SDK1: variants seen among roughly 807,000 people sequenced by gnomAD.
SDK1 encodes sidekick cell adhesion molecule 1.
A neutral mutation model predicts 245.5 loss-of-function variants in SDK1; 157 were observed. The ratio of observed to expected loss-of-function variants is 0.64; its 90% CI spans 0.56 to 0.73. The LOEUF is 0.73. SDK1 is among the 30% of genes least tolerant of loss of function. SDK1 has a pLI of 0.00. For missense variants in SDK1, 3,583 were observed against 3,002.3 expected (o/e 1.19, Z -4.52); for synonymous variants, 1,647 against 1,278.5 (o/e 1.29, Z -6.15).
intron 32 of SDK1, among the ~76,000 whole-genome samples, chr7:4,162,502 C>T (rs1208276525): frequency 1.3e-5 from 2 of 151,724 alleles, no homozygotes; most frequent in Non-Finnish European, 1.5e-5. Flanking sequence ...CGTGTTCAAG[C>T]GATTCTCCTG....
At chr7:3,998,658 G>A (rs1427596974) in intron 14 of SDK1, among the ~76,000 whole-genome samples, 3 of 152,154 alleles carry the variant, frequency 2.0e-5, no homozygotes, top group African/African-American at 7.2e-5. Flanking sequence ...CCTCAAACCT[G>A]AAATAATGTA....
At chr7:3,512,729 A>T (rs1436940182) in intron 1 of SDK1, among the ~76,000 whole-genome samples, 1 of 152,308 alleles carries the variant, frequency 6.6e-6, no homozygotes, top group East Asian at 1.9e-4. Context: ...ACTACTTTTA[A>T]AGGTATTATT....
At chr7:4,174,174 C>G in intron 32 of SDK1, 48 bp from the exon 33 acceptor site, 9 of 1,606,532 alleles carry the variant, frequency 5.6e-6, no homozygotes, top group Non-Finnish European at 7.7e-6. Flanking sequence ...TGCAGGCCAG[C>G]TGGGTTGACT....
chr7:4,120,276 A>C (rs1783972880), intron 25 of SDK1, among the ~76,000 whole-genome samples: 1 of 149,214 alleles, frequency 6.7e-6, no homozygotes, highest in Non-Finnish European at 1.5e-5. Context: ...CTGAAGAAAC[A>C]CCAATCCCGA....
At chr7:4,216,587 G>A (rs1425512701) in intron 38 of SDK1, among the ~76,000 whole-genome samples, 3 of 152,218 alleles carry the variant, frequency 2.0e-5, no homozygotes, top group Admixed American at 6.5e-5. Flanking sequence ...AGTTGCAAAC[G>A]CAGTGAAACA....
rs201661973 is a variant in SDK1 at position 4,208,168 on chromosome 7, G to T, written c.5284G>T (p.Val1762Leu). ...KMKVLFLPEP[V>L]VRLKNLTSHT... ...GAAGGTCCTCTTCCTCCCCGAGCCC[G>T]TGGTGAGGCTGAAGAACCTGACCAG... Residue 1762 changes from valine to leucine, a missense_variant, in exon 37 of 45, where the codon GTG becomes TTG. Transcript: ENST00000404826. 2 of 1,613,978 alleles carry T rather than the reference G, an allele frequency of 1.2e-6. No individual in the cohort carries two copies. The highest frequency in any genetic ancestry group is 8.5e-7 in the Non-Finnish European group (1 of 1,179,908).
At chr7:3,688,913 C>G (rs1240083709) in intron 4 of SDK1, among the ~76,000 whole-genome samples, 1 of 152,294 alleles carries the variant, frequency 6.6e-6, no homozygotes, top group South Asian at 2.1e-4. Flanking sequence ...TCCCTCCCAC[C>G]TCCCCGACCC....
intron 30 of SDK1, among the ~76,000 whole-genome samples, chr7:4,152,214 G>T (rs1201220905): frequency 6.6e-6 from 1 of 152,150 alleles, no homozygotes; most frequent in African/African-American, 2.4e-5. Flanking sequence ...TGTCCGCCAG[G>T]TTCCTGCCAG....
chr7:4,268,869 G>A lies in SDK1; in HGVS notation c.*3485G>A, dbSNP rs143331393. 8.8e-6 allele frequency: 5 copies of A among 571,100 alleles called. No individual in the cohort carries two copies. Among genetic ancestry groups the A allele is most frequent in the South Asian group, 1.7e-5 (1 of 59,550 alleles). The allele number at this position is 571,100 out of a possible 1,614,324, so 35.4% of individuals were successfully genotyped here. On this transcript the variant is annotated 3_prime_UTR_variant, in exon 45 of 45. Coordinates refer to ENST00000404826, the MANE Select transcript of SDK1 (RefSeq NM_152744.4). ...TTAGGGAGCCGTCAGGTCCCTAAAC[G>A]TTCCCTACAACTTTTTCTGAAATTG...
intron 5 of SDK1, among the ~76,000 whole-genome samples, chr7:3,838,962 G>T (rs1377079582): frequency 6.6e-6 from 1 of 152,164 alleles, no homozygotes; most frequent in Non-Finnish European, 1.5e-5. Flanking sequence ...ATTCGTTTGG[G>T]CAGAGGCACG....
chr7:3,801,682 C>T (rs548064698), intron 4 of SDK1, among the ~76,000 whole-genome samples: 1 of 152,308 alleles, frequency 6.6e-6, no homozygotes, highest in South Asian at 2.1e-4. Flanking sequence ...GCTGTGGCTG[C>T]TCCCAGCTTG....
intron 1 of SDK1, among the ~76,000 whole-genome samples, chr7:3,358,440 T>C (rs551001521): frequency 1.3e-5 from 2 of 152,308 alleles, no homozygotes; most frequent in Admixed American, 6.5e-5. Context: ...TTTTTTTTTT[T>C]TTTCTTGTTT....
chr7:3,597,535 TAGAG>T (rs1250318114), intron 1 of SDK1, among the ~76,000 whole-genome samples: 2 of 152,164 alleles, frequency 1.3e-5, no homozygotes, highest in Admixed American at 6.5e-5. Context: ...TCGAAAGTGT[TAGAG>T]AGAACTTCCT....
rs1338736001 is a variant in SDK1, at chr7:3,672,772, T to C, written c.713+30667T>C. ...TAATATATAATTTTATATATATATA[T>C]ATATATATATATATATATATATAAA... On this transcript the variant is annotated intron_variant, in intron 4 of 44. Coordinates refer to ENST00000404826, the MANE Select transcript of SDK1 (RefSeq NM_152744.4). 4.4e-5 allele frequency among the ~76,000 whole-genome samples: 4 copies of C among 91,834 alleles called. 1 individual carries two copies. The highest frequency in any genetic ancestry group is 1.6e-4 in the African/African-American group (4 of 24,730). The allele number at this position is 91,834 out of a possible 152,430, so 60.2% of individuals were successfully genotyped here. A position where few individuals can be genotyped will look rare whatever the true frequency, so the allele number is the denominator to read the frequency against.
chr7:4,045,081 G>A (rs1000452331), intron 17 of SDK1, among the ~76,000 whole-genome samples: 1 of 152,128 alleles, frequency 6.6e-6, no homozygotes, highest in African/African-American at 2.4e-5. Context: ...AGATTCACCT[G>A]TGCGTTCATG....
chr7:3,903,170 A>AGTCT (rs1781848129), intron 5 of SDK1, among the ~76,000 whole-genome samples: 1 of 148,494 alleles, frequency 6.7e-6, no homozygotes, highest in South Asian at 2.1e-4. Flanking sequence ...TTTGAGACAG[A>AGTCT]CGAGACTCCG....
At chr7:3,599,764 C>G (rs1781195959) in intron 1 of SDK1, among the ~76,000 whole-genome samples, 2 of 152,142 alleles carry the variant, frequency 1.3e-5, no homozygotes, top group Non-Finnish European at 2.9e-5. Context: ...AGTTGGCTGC[C>G]TTGTGTTGAG....
intron 1 of SDK1, among the ~76,000 whole-genome samples, chr7:3,349,953 T>G (rs1216027238): frequency 6.6e-6 from 1 of 152,166 alleles, no homozygotes; most frequent in African/African-American, 2.4e-5. Flanking sequence ...ATACAGAAGG[T>G]TTACTCCTTG....
chr7:4,087,717 A>C (rs1005837594), intron 22 of SDK1, among the ~76,000 whole-genome samples: 1 of 152,204 alleles, frequency 6.6e-6, no homozygotes, highest in African/African-American at 2.4e-5. Context: ...CAAAAGCTGT[A>C]ATGTGAAGAA....
Sources: allele counts gnomAD v4.1 joint callset (sites outside exome capture counted in the v4.1 genomes callset), GRCh38; gene constraint gnomAD v4.1.1; transcripts MANE v1.5; gene names NCBI Gene and HGNC (gene_info 2026-07-23, HGNC 2026-07-21).